The following RANBP2 variants were observed in gnomAD, a reference collection of about 807,000 sequenced individuals.
RANBP2 encodes E3 SUMO-protein ligase RanBP2.
A neutral mutation model predicts 303.6 loss-of-function variants in RANBP2; 57 were observed. The observed-to-expected ratio is 0.19, with a 90% CI of 0.15 to 0.23. The LOEUF (loss-of-function observed/expected upper bound fraction) is 0.23, where lower values mean the gene tolerates loss of function less well. Ranked by LOEUF, RANBP2 falls within the 10% of genes least tolerant of loss-of-function variation. The pLI is 1.00. For missense variants in RANBP2, 3,138 were observed against 3,780.8 expected, an observed-to-expected ratio of 0.83 and a Z score of 4.46; for synonymous variants, 1,167 against 1,301.5, an observed-to-expected ratio of 0.90 and a Z score of 2.23.
chr2:108,933,395 A>G, the RANBP2 span, among the ~76,000 whole-genome samples: 1 of 152,136 alleles, frequency 6.6e-6, no homozygotes, highest in Non-Finnish European at 1.5e-5. Flanking sequence ...TGGCTGCTCT[A>G]AGAATAGGTG....
the RANBP2 span, among the ~76,000 whole-genome samples, chr2:109,482,719 A>G: frequency 0.59 from 89,966 of 151,724 alleles, 26,946 homozygotes; most frequent in African/African-American, 0.63. Flanking sequence ...CCCTGCCTGC[A>G]CCTCCGGCTG....
the RANBP2 span, among the ~76,000 whole-genome samples, chr2:109,628,892 A>G: frequency 6.6e-6 from 1 of 152,062 alleles, no homozygotes; most frequent in Non-Finnish European, 1.5e-5. Context: ...CTTGGCAGGC[A>G]GGTTGGCAGT....
At chr2:109,154,734 G>A in the RANBP2 span, among the ~76,000 whole-genome samples, 1 of 152,334 alleles carries the variant, frequency 6.6e-6, no homozygotes, top group South Asian at 2.1e-4. Context: ...GGGGGTGATG[G>A]TAGGGACTTT....
chr2:109,499,334 C>T, the RANBP2 span, among the ~76,000 whole-genome samples: 26 of 152,208 alleles, frequency 1.7e-4, no homozygotes, highest in African/African-American at 5.6e-4. Context: ...TCTGAGGGAC[C>T]GTCAGCCAGG....
chr2:109,689,262 A>G, the RANBP2 span, among the ~76,000 whole-genome samples: 9 of 152,156 alleles, frequency 5.9e-5, no homozygotes, highest in Non-Finnish European at 1.2e-4. Context: ...GTAGGCAGTT[A>G]GGAACAGCCC....
chr2:109,613,752 G>A, the RANBP2 span: 1 of 1,175,168 alleles, frequency 8.5e-7, no homozygotes, highest in Non-Finnish European at 1.1e-6. Context: ...AGTCCCGCGG[G>A]GGCCGGGGAG....
chr2:108,778,808 C>CCT (rs2149320646), intron 25 of RANBP2, among the ~76,000 whole-genome samples: 1 of 150,384 alleles, frequency 6.6e-6, no homozygotes, highest in Admixed American at 6.6e-5. Flanking sequence ...CTCACTGCTG[C>CCT]CTTGACCTCC....
the RANBP2 span, among the ~76,000 whole-genome samples, chr2:109,087,755 T>C: frequency 6.6e-6 from 1 of 151,978 alleles, no homozygotes; most frequent in Non-Finnish European, 1.5e-5. Flanking sequence ...GGTCAGGTAG[T>C]GGAGGAAGCA....
the RANBP2 span, among the ~76,000 whole-genome samples, chr2:108,941,185 G>A: frequency 3.9e-5 from 6 of 152,282 alleles, no homozygotes; most frequent in South Asian, 2.1e-4. Flanking sequence ...TTTTATTGCC[G>A]AATCGTATTC....
At chr2:109,641,843 T>C in the RANBP2 span, among the ~76,000 whole-genome samples, 2 of 152,238 alleles carry the variant, frequency 1.3e-5, no homozygotes, top group African/African-American at 4.8e-5. Flanking sequence ...TTCACTCTTG[T>C]TGCCCAGGCT....
At chr2:109,060,626 A>C in the RANBP2 span, among the ~76,000 whole-genome samples, 1 of 152,170 alleles carries the variant, frequency 6.6e-6, no homozygotes, top group Admixed American at 6.5e-5. Context: ...CACTGCAGTT[A>C]AACTCTTCTC....
the RANBP2 span, among the ~76,000 whole-genome samples, chr2:109,290,908 G>A: frequency 6.6e-6 from 1 of 152,218 alleles, no homozygotes; most frequent in Admixed American, 6.5e-5. Flanking sequence ...TTTGCCAGAT[G>A]GTAAATTCGT....
intron 24 of RANBP2, among the ~76,000 whole-genome samples, chr2:108,776,410 G>A (rs1677896377): frequency 6.6e-6 from 1 of 152,096 alleles, no homozygotes. Context: ...TTCAGTTACA[G>A]TAACATATTT....
intron 7 of RANBP2, among the ~76,000 whole-genome samples, chr2:108,745,164 C>G (rs1019116139): frequency 3.4e-5 from 5 of 146,734 alleles, no homozygotes; most frequent in African/African-American, 7.6e-5. Context: ...CAATGATTAA[C>G]TTGTGCCATG....
chr2:108,906,055 G>A, the RANBP2 span, among the ~76,000 whole-genome samples: 1 of 147,364 alleles, frequency 6.8e-6, no homozygotes, highest in Non-Finnish European at 1.5e-5. Flanking sequence ...TACAGTGGGT[G>A]CCTGCACCAG....
At chr2:109,338,341 A>G in the RANBP2 span, among the ~76,000 whole-genome samples, 1 of 152,048 alleles carries the variant, frequency 6.6e-6, no homozygotes, top group African/African-American at 2.4e-5. Context: ...AAGAAGCTTC[A>G]TGGCCACCCT....
chr2:109,512,930 C>T, the RANBP2 span, among the ~76,000 whole-genome samples: 5 of 152,230 alleles, frequency 3.3e-5, no homozygotes, highest in African/African-American at 1.2e-4. Context: ...CCATCTTGCA[C>T]GTGGGTGGCC....
chr2:109,675,082 C>T, the RANBP2 span, among the ~76,000 whole-genome samples: 1 of 152,180 alleles, frequency 6.6e-6, no homozygotes, highest in African/African-American at 2.4e-5. Context: ...GATCCTCCCA[C>T]CTCAGCCTCC....
the RANBP2 span, among the ~76,000 whole-genome samples, chr2:109,522,283 T>TAA: frequency 1.3e-5 from 2 of 149,428 alleles, no homozygotes; most frequent in African/African-American, 5.0e-5. Flanking sequence ...TTCTTTTTTT[T>TAA]AAAAAAAAAC....
Sources: gnomAD v4.1 joint callset for allele counts (sites outside exome capture counted in the v4.1 genomes callset) on GRCh38, gnomAD v4.1.1 for gene constraint, MANE v1.5 for transcripts, NCBI Gene and HGNC (gene_info 2026-07-23, HGNC 2026-07-21) for gene names.